Variants in LRRC4C observed in about 807,000 individuals in gnomAD.
The protein encoded by LRRC4C is leucine-rich repeat-containing protein 4C.
LRRC4C carries 5 observed loss-of-function variants against 33.6 expected under a neutral mutation model. The ratio of observed to expected loss-of-function variants is 0.15; its 90% CI spans 0.08 to 0.31. The LOEUF is 0.31. Ranked by LOEUF, LRRC4C falls within the 10% of genes least tolerant of loss-of-function variation. The pLI, the probability that LRRC4C is intolerant of heterozygous loss-of-function variation, is 1.00. For missense variants in LRRC4C, 560 were observed against 796.7 expected, an observed-to-expected ratio of 0.70 and a Z score of 3.58; for synonymous variants, 329 against 302.0, an observed-to-expected ratio of 1.09 and a Z score of -0.93.
At chr11:41,238,736 T>C (rs1004874671) in intron 1 of LRRC4C, among the ~76,000 whole-genome samples, 3 of 152,176 alleles carry the variant, frequency 2.0e-5, no homozygotes, top group Non-Finnish European at 4.4e-5. Context: ...CCTTCCTCTC[T>C]ACATGCCTCT....
intron 1 of LRRC4C, among the ~76,000 whole-genome samples, chr11:41,233,626 T>C (rs1037086157): frequency 3.3e-5 from 5 of 152,056 alleles, no homozygotes; most frequent in African/African-American, 1.2e-4. Context: ...TTTCTTTAGA[T>C]ATATCAGTAA....
chr11:40,876,530 T>A (rs549400851), intron 2 of LRRC4C, among the ~76,000 whole-genome samples: 1 of 152,192 alleles, frequency 6.6e-6, no homozygotes, highest in East Asian at 1.9e-4. Context: ...TTGAGCAGGT[T>A]GAATATTTCA....
At chr11:40,556,241 T>C (rs1156964796) in intron 3 of LRRC4C, among the ~76,000 whole-genome samples, 2 of 152,238 alleles carry the variant, frequency 1.3e-5, no homozygotes, top group East Asian at 1.9e-4. Context: ...CTTTCTGACA[T>C]GTATATCCTA....
intron 1 of LRRC4C, among the ~76,000 whole-genome samples, chr11:40,936,065 T>TATATAA (rs1555008817): frequency 0.02 from 1,476 of 75,672 alleles, 256 homozygotes; most frequent in Middle Eastern, 0.033. Flanking sequence ...TATATATATA[T>TATATAA]AACATAGTTT....
rs116647289 is a variant in LRRC4C, at chr11:41,358,475, G to A, written c.-496+100956C>T. On this transcript the variant is annotated intron_variant, in intron 1 of 6. Coordinates refer to ENST00000528697, the MANE Select transcript of LRRC4C (RefSeq NM_001258419.2). Reference sequence around the variant, plus strand: ...AGAAGGAGAAGATAAGCCAGAAACTGGGAGAAAGTATTTGCAAAAGACACA... The same window carrying A: ...AGAAGGAGAAGATAAGCCAGAAACTAGGAGAAAGTATTTGCAAAAGACACA... Among the ~76,000 whole-genome samples the A allele has an allele frequency of 5.4e-3, 822 of 152,198 alleles. 8 individuals carry two copies. The highest frequency in any genetic ancestry group is 0.018 in the African/African-American group (765 of 41,534).
chr11:41,191,019 C>G (rs1002782160), intron 1 of LRRC4C, among the ~76,000 whole-genome samples: 2 of 152,238 alleles, frequency 1.3e-5, no homozygotes, highest in East Asian at 3.9e-4. Context: ...TAATTGATTA[C>G]AGTAATCTGT....
chr11:40,554,736 C>CTTTTT (rs34678892), intron 3 of LRRC4C, among the ~76,000 whole-genome samples: 1 of 88,422 alleles, frequency 1.1e-5, no homozygotes, highest in Non-Finnish European at 2.1e-5. Context: ...GGATTGCATT[C>CTTTTT]TTTTTTTTTT....
chr11:41,176,689 G>A (rs1175997638), intron 1 of LRRC4C, among the ~76,000 whole-genome samples: 1 of 152,110 alleles, frequency 6.6e-6, no homozygotes, highest in African/African-American at 2.4e-5. Context: ...CTAGGGTCTA[G>A]GAGTAGGAAT....
intron 2 of LRRC4C, among the ~76,000 whole-genome samples, chr11:40,746,244 C>A (rs114056113): frequency 2.0e-5 from 3 of 152,148 alleles, no homozygotes; most frequent in Admixed American, 6.6e-5. Context: ...TGTCAGGAGA[C>A]TGTGCAACGG....
intron 2 of LRRC4C, among the ~76,000 whole-genome samples, chr11:40,692,670 C>A (rs1216692741): frequency 6.6e-6 from 1 of 151,920 alleles, no homozygotes; most frequent in Non-Finnish European, 1.5e-5. Flanking sequence ...GAAGTTAGGC[C>A]AATTTTTTGC....
At chr11:41,227,500 T>G (rs542052649) in intron 1 of LRRC4C, among the ~76,000 whole-genome samples, 78 of 152,062 alleles carry the variant, frequency 5.1e-4, no homozygotes, top group African/African-American at 1.9e-3. Context: ...ATATTTACAT[T>G]TTGCTTTTAT....
chr11:40,952,718 G>A (rs1958752408), intron 1 of LRRC4C, among the ~76,000 whole-genome samples: 1 of 151,898 alleles, frequency 6.6e-6, no homozygotes, highest in African/African-American at 2.4e-5. Context: ...CTTGAATGCT[G>A]TTGCAGCTCT....
At chr11:40,174,880 G>A (rs1264180864) in intron 5 of LRRC4C, among the ~76,000 whole-genome samples, 2 of 152,094 alleles carry the variant, frequency 1.3e-5, no homozygotes, top group African/African-American at 2.4e-5. Flanking sequence ...AGGGAACTGC[G>A]GTCACATGCT....
intron 2 of LRRC4C, among the ~76,000 whole-genome samples, chr11:40,908,641 C>G (rs981204435): frequency 7.2e-5 from 11 of 151,934 alleles, no homozygotes; most frequent in African/African-American, 2.7e-4. Flanking sequence ...ATTGTCAATC[C>G]CAAAATGAAG....
chr11:40,206,531 C>A (rs1025824717), intron 5 of LRRC4C, among the ~76,000 whole-genome samples: 2 of 152,134 alleles, frequency 1.3e-5, no homozygotes, highest in African/African-American at 2.4e-5. Flanking sequence ...AGTGAGCCAC[C>A]GCACCTGGCC....
At chr11:41,276,971 T>C (rs902511241) in intron 1 of LRRC4C, among the ~76,000 whole-genome samples, 1 of 152,196 alleles carries the variant, frequency 6.6e-6, no homozygotes, top group Admixed American at 6.6e-5. Context: ...AAATGTAAGA[T>C]AGTATTTTTT....
At chr11:41,379,317 T>A (rs1298919395) in intron 1 of LRRC4C, among the ~76,000 whole-genome samples, 2 of 152,124 alleles carry the variant, frequency 1.3e-5, no homozygotes, top group Non-Finnish European at 2.9e-5. Flanking sequence ...ATCACCATGG[T>A]TACTGATTCT....
intron 1 of LRRC4C, among the ~76,000 whole-genome samples, chr11:41,090,284 A>G (rs932289631): frequency 1.3e-5 from 2 of 152,232 alleles, no homozygotes; most frequent in African/African-American, 4.8e-5. Context: ...ACATCTGGAA[A>G]AATTATACAT....
chr11:41,358,216 A>G (rs1248222320), intron 1 of LRRC4C, among the ~76,000 whole-genome samples: 1 of 152,136 alleles, frequency 6.6e-6, no homozygotes, highest in Non-Finnish European at 1.5e-5. Context: ...AAATAAATCT[A>G]TACACAGAAT....
Sources: allele counts gnomAD v4.1 joint callset (sites outside exome capture counted in the v4.1 genomes callset), GRCh38; gene constraint gnomAD v4.1.1; transcripts MANE v1.5; gene names NCBI Gene and HGNC (gene_info 2026-07-23, HGNC 2026-07-21).